LIN28B: variants seen among roughly 807,000 people sequenced by gnomAD.
LIN28B encodes the protein lin-28 RNA binding posttranscriptional regulator B, also known as protein lin-28 homolog B.
Under a neutral mutation model 21.9 loss-of-function variants are expected in LIN28B, and 5 were observed. The ratio of observed to expected loss-of-function variants is 0.23; its 90% CI spans 0.12 to 0.48. The LOEUF is 0.48. Ranked by LOEUF, LIN28B falls within the 20% of genes least tolerant of loss-of-function variation. The pLI is 0.98. For missense variants in LIN28B, 245 were observed against 310.5 expected, an observed-to-expected ratio of 0.79 and a Z score of 1.58; for synonymous variants, 109 against 111.3, an observed-to-expected ratio of 0.98 and a Z score of 0.13.
intron 2 of LIN28B, among the ~76,000 whole-genome samples, chr6:104,945,358 A>G (rs1439167138): frequency 1.3e-5 from 2 of 152,026 alleles, no homozygotes; most frequent in African/African-American, 4.8e-5. Context: ...AGAATACACA[A>G]AGTTCTCATT....
chr6:105,048,098 G>T (rs1343045713), intron 3 of LIN28B, among the ~76,000 whole-genome samples: 1 of 152,178 alleles, frequency 6.6e-6, no homozygotes, highest in East Asian at 1.9e-4. Context: ...TCTTGTGCCA[G>T]TTTTCAAAGG....
intron 3 of LIN28B, among the ~76,000 whole-genome samples, chr6:105,063,412 G>T (rs1222280419): frequency 2.0e-5 from 3 of 152,162 alleles, no homozygotes; most frequent in Non-Finnish European, 4.4e-5. Context: ...GAGAAGGGCG[G>T]ATCACTTGAG....
chr6:105,032,913 T>A (rs1261148784), intron 3 of LIN28B, among the ~76,000 whole-genome samples: 1 of 152,192 alleles, frequency 6.6e-6, no homozygotes, highest in Non-Finnish European at 1.5e-5. Flanking sequence ...TGTGTTTTCT[T>A]ATTGCACTTT....
intron 2 of LIN28B, among the ~76,000 whole-genome samples, chr6:104,994,523 A>G (rs543994976): frequency 4.6e-5 from 7 of 152,304 alleles, no homozygotes; most frequent in South Asian, 4.1e-4. Flanking sequence ...AAAGCTATAA[A>G]TCGTTCATAA....
Position 104,997,505 on chromosome 6 carries a change from C to G in LIN28B, c.199-28793C>G, listed in dbSNP as rs561464879. Among the ~76,000 whole-genome samples, 21 of 151,644 alleles carry G rather than the reference C, an allele frequency of 1.4e-4. No individual in the cohort carries two copies. The East Asian group carries it at 3.7e-3, about 27-fold the overall frequency. On this transcript the variant is annotated intron_variant, in intron 2 of 3. Coordinates refer to ENST00000345080, the MANE Select transcript of LIN28B (RefSeq NM_001004317.4). The stretch of plus-strand genomic sequence containing the variant: ...TCTATATGTATAGTTTCTCAGTTGC[C>G]CAATATAATATAGTACCAACAAAAA...
intron 3 of LIN28B, among the ~76,000 whole-genome samples, chr6:105,076,318 A>C (rs1198754804): frequency 6.6e-6 from 1 of 152,200 alleles, no homozygotes; most frequent in Non-Finnish European, 1.5e-5. Flanking sequence ...CATCTTATAA[A>C]TTCATTATTC....
At chr6:105,038,436 G>A (rs1318580957) in intron 3 of LIN28B, among the ~76,000 whole-genome samples, 1 of 152,182 alleles carries the variant, frequency 6.6e-6, no homozygotes, top group Non-Finnish European at 1.5e-5. Context: ...GGTCAGCAGG[G>A]CCAACAGTTG....
chr6:104,963,844 T>C (rs1582867306), intron 2 of LIN28B, among the ~76,000 whole-genome samples: 2 of 152,168 alleles, frequency 1.3e-5, no homozygotes, highest in East Asian at 1.9e-4. Flanking sequence ...TCACAACAAA[T>C]GAATGCAGTA....
In LIN28B at chr6:105,080,397, T is replaced by C. The variant is rs1285783413; in HGVS notation, c.*1614T>C. The C allele has an allele frequency of 6.5e-6, 1 of 152,720 alleles. No homozygotes were observed. The allele number at this position is 152,720 out of a possible 1,614,324, so 9.5% of individuals were successfully genotyped here. A position where few individuals can be genotyped will look rare whatever the true frequency, so the allele number is the denominator to read the frequency against. On this transcript the variant is annotated 3_prime_UTR_variant, in exon 4 of 4. Transcript: ENST00000345080. Reference sequence around the variant, plus strand: ...AATAGCATGACTCAAATGAGACATATTCTGCTGAACAGTTTCTACTTCCTC... The same window carrying C: ...AATAGCATGACTCAAATGAGACATACTCTGCTGAACAGTTTCTACTTCCTC...
rs186987422 is a variant in LIN28B, at chr6:105,023,987, G to T, written c.199-2311G>T. Among the ~76,000 whole-genome samples, 157 of 151,624 alleles carry T rather than the reference G, an allele frequency of 1.0e-3. 1 individual carries two copies. Among genetic ancestry groups the T allele is most frequent in the Admixed American group, 2.5e-3 (38 of 15,182 alleles). ...TGATAGAGTTTTGTTTGTTTGTTTG[G>T]TTGTTTTTTTTTGAGACAGGGTTTC... On this transcript the variant is annotated intron_variant, in intron 2 of 3. Transcript: ENST00000345080.
intron 3 of LIN28B, among the ~76,000 whole-genome samples, chr6:105,031,648 C>T: frequency 6.6e-6 from 1 of 151,832 alleles, no homozygotes. Flanking sequence ...ATTCTCCTGC[C>T]TCAGCCTCCC....
At chr6:105,050,997 T>C (rs1771890630) in intron 3 of LIN28B, among the ~76,000 whole-genome samples, 1 of 150,864 alleles carries the variant, frequency 6.6e-6, no homozygotes, top group South Asian at 2.1e-4. Flanking sequence ...GGAGGATCGC[T>C]TGAGACCAGG....
At chr6:105,040,961 G>GAGC (rs1328794003) in intron 3 of LIN28B, among the ~76,000 whole-genome samples, 3 of 151,604 alleles carry the variant, frequency 2.0e-5, no homozygotes, top group Non-Finnish European at 2.9e-5. Flanking sequence ...GCCCAGGCTG[G>GAGC]AGCACAGTGG....
intron 2 of LIN28B, among the ~76,000 whole-genome samples, chr6:105,012,231 G>A (rs1770938834): frequency 6.6e-6 from 1 of 151,804 alleles, no homozygotes; most frequent in Admixed American, 6.6e-5. Flanking sequence ...ACTTTGGGAG[G>A]CTGAGGCAGG....
chr6:105,054,804 G>A (rs1771989079), intron 3 of LIN28B, among the ~76,000 whole-genome samples: 1 of 151,096 alleles, frequency 6.6e-6, no homozygotes, highest in Non-Finnish European at 1.5e-5. Context: ...GTGCAAGCCA[G>A]TGAGTTTCCA....
At chr6:105,064,539 C>T (rs755250979) in intron 3 of LIN28B, among the ~76,000 whole-genome samples, 14 of 152,306 alleles carry the variant, frequency 9.2e-5, no homozygotes, top group Non-Finnish European at 1.9e-4. Context: ...GCACAGCTTT[C>T]CCCCGCACAT....
intron 3 of LIN28B, among the ~76,000 whole-genome samples, chr6:105,037,515 CCT>C (rs1339277996): frequency 2.0e-5 from 3 of 148,204 alleles, no homozygotes; most frequent in African/African-American, 5.0e-5. Flanking sequence ...GCTCCCTTCC[CCT>C]CTCTTTTTTT....
intron 3 of LIN28B, among the ~76,000 whole-genome samples, chr6:105,068,243 C>T (rs1335663534): frequency 6.6e-6 from 1 of 152,104 alleles, no homozygotes; most frequent in Non-Finnish European, 1.5e-5. Context: ...TATTCACATA[C>T]CTTTCATTGG....
chr6:105,069,310 G>T (rs1050500486), intron 3 of LIN28B, among the ~76,000 whole-genome samples: 10 of 152,168 alleles, frequency 6.6e-5, no homozygotes, highest in African/African-American at 2.4e-4. Context: ...TTTATATGCT[G>T]TTCAAAATTA....
Sources: gnomAD v4.1 joint callset for allele counts (sites outside exome capture counted in the v4.1 genomes callset) on GRCh38, gnomAD v4.1.1 for gene constraint, MANE v1.5 for transcripts, NCBI Gene and HGNC (gene_info 2026-07-23, HGNC 2026-07-21) for gene names.